Variants in JHY observed in about 807,000 individuals in gnomAD.
JHY encodes the protein jhy protein homolog.
In JHY, 69 loss-of-function variants were observed where a neutral mutation model predicts 78.0. The observed-to-expected ratio is 0.88, with a 90% CI of 0.73 to 1.08. The LOEUF is 1.08. JHY is among the 50% of genes least tolerant of loss of function. The pLI is 0.00. For synonymous variants in JHY, 368 were observed against 342.6 expected (o/e 1.07, Z -0.82); for missense variants, 944 against 927.8 (o/e 1.02, Z -0.23).
chr11:122,955,952 C>T (rs1448545011), intron 6 of JHY, among the ~76,000 whole-genome samples: 1 of 152,092 alleles, frequency 6.6e-6, no homozygotes, highest in African/African-American at 2.4e-5. Context: ...CTGTCTAAGA[C>T]TGGACAAAAT....
intron 3 of JHY, among the ~76,000 whole-genome samples, chr11:122,918,469 T>A (rs563563065): frequency 6.6e-6 from 1 of 151,428 alleles, no homozygotes; most frequent in Admixed American, 6.6e-5. Flanking sequence ...AGAGTCTCCC[T>A]GAGAAGATAT....
Position 122,898,331 on chromosome 11 carries a change from T to C in JHY, c.345-5594T>C, listed in dbSNP as rs899287202. 3.3e-5 allele frequency among the ~76,000 whole-genome samples: 5 copies of C among 152,202 alleles called. No homozygotes were observed. Among genetic ancestry groups the C allele is most frequent in the Admixed American group, 6.5e-5 (1 of 15,272 alleles). On this transcript the variant is annotated intron_variant, in intron 2 of 8. Coordinates refer to ENST00000227349, the MANE Select transcript of JHY (RefSeq NM_024806.4). This position sits in a 1 kb window ranked among gnomAD's most constrained non-coding sequence, Gnocchi z 4.4. ...CTTCACTGTCACCTATGGGAATAGCTGCAGGGTACAATGCAACATGATGTG... is the reference window on the plus strand; with the variant it reads ...CTTCACTGTCACCTATGGGAATAGCCGCAGGGTACAATGCAACATGATGTG...
chr11:122,886,238 A>C, intron 2 of JHY, 45 bp downstream of exon 2: 1 of 1,512,188 alleles, frequency 6.6e-7, no homozygotes, highest in Admixed American at 2.0e-5. Flanking sequence ...TCTAAAATGT[A>C]TCATTAGATA....
chr11:122,959,262 TA>T lies in JHY; in HGVS notation c.2156del (p.Lys719ArgfsTer11), dbSNP rs1442378344. 6.2e-7 allele frequency: 1 copy of T among 1,614,102 alleles called. No homozygotes were observed. The highest frequency in any genetic ancestry group is 8.5e-7 in the Non-Finnish European group (1 of 1,180,004). On this transcript the variant is annotated frameshift_variant, in exon 9 of 9. Coordinates refer to ENST00000227349, the MANE Select transcript of JHY (RefSeq NM_024806.4). LOFTEE classifies it low-confidence loss of function (END_TRUNC). Reference sequence around the variant, plus strand: ...TATGCGTTTAGGCTTTGGAATACGCTAAGACCATCCCCAAACCCAAACCATC... The same window carrying T: ...TATGCGTTTAGGCTTTGGAATACGCTAGACCATCCCCAAACCCAAACCATC... Reference protein sequence around the residue: ...IPRQKALEYAKTIPKPKPSNL... With the variant: ...IPRQKALEYAXTIPKPKPSNL...
intron 2 of JHY, among the ~76,000 whole-genome samples, chr11:122,896,383 A>G (rs1157128931): frequency 6.7e-6 from 1 of 150,136 alleles, no homozygotes; most frequent in Non-Finnish European, 1.5e-5. Flanking sequence ...TGCTGAGGCT[A>G]GAAATTACAG....
Position 122,959,252 on chromosome 11 carries a change from T to C in JHY, c.2144T>C (p.Leu715Ser). 1 of 1,613,456 alleles carries C rather than the reference T, an allele frequency of 6.2e-7. No homozygotes were observed. Among genetic ancestry groups the C allele is most frequent in the East Asian group, 2.2e-5 (1 of 44,870 alleles). Reference protein sequence around the residue: ...KKSAIPRQKALEYAKTIPKPK... With the variant: ...KKSAIPRQKASEYAKTIPKPK... ...ATTTCATCTTTATGCGTTTAGGCTT[T>C]GGAATACGCTAAGACCATCCCCAAA... The change falls in exon 9 of 9, where the codon TTG (leucine) becomes TCG (serine). Residue 715 changes from leucine to serine, a missense_variant. Physicochemically the swap from Leu to Ser is moderately radical, Grantham distance 145. Transcript: ENST00000227349.
intron 4 of JHY, among the ~76,000 whole-genome samples, chr11:122,928,553 G>GAA (rs370330908): frequency 0.24 from 32,391 of 136,132 alleles, 4,008 homozygotes; most frequent in Non-Finnish European, 0.3. Context: ...AAGATACGGG[G>GAA]AAAAAAAAAA....
intron 4 of JHY, 51 bp from the exon 5 acceptor site, chr11:122,934,369 G>A (rs1226988039): frequency 1.1e-6 from 1 of 938,178 alleles, no homozygotes; most frequent in Admixed American, 3.1e-5. Context: ...AATAAAATTT[G>A]TGAAGAGTGC....
intron 2 of JHY, among the ~76,000 whole-genome samples, chr11:122,889,670 A>C (rs1862568830): frequency 6.6e-6 from 1 of 152,202 alleles, no homozygotes; most frequent in African/African-American, 2.4e-5. Flanking sequence ...TTCATAATAC[A>C]TGTGTACATG....
At chr11:122,937,450 T>C (rs905776828) in intron 5 of JHY, among the ~76,000 whole-genome samples, 2 of 152,164 alleles carry the variant, frequency 1.3e-5, no homozygotes, top group African/African-American at 4.8e-5. Flanking sequence ...TCTTTCTCTT[T>C]CGAGACTTGC....
At chr11:122,957,798 G>A (rs1864223932) in intron 8 of JHY, among the ~76,000 whole-genome samples, 1 of 116,428 alleles carries the variant, frequency 8.6e-6, no homozygotes, top group Non-Finnish European at 1.9e-5. Flanking sequence ...ATGCAATAGT[G>A]ACACACACAC....
intron 3 of JHY, among the ~76,000 whole-genome samples, chr11:122,908,937 G>A (rs1863051704): frequency 6.6e-6 from 1 of 152,124 alleles, no homozygotes. Flanking sequence ...TTCCAAGGAA[G>A]AATACACAAA....
chr11:122,912,286 CAAAAA>C (rs374121692), intron 3 of JHY, among the ~76,000 whole-genome samples: 1 of 73,828 alleles, frequency 1.4e-5, no homozygotes, highest in Admixed American at 1.6e-4. Context: ...GACTCCATCT[CAAAAA>C]AAAAAAAAAA....
At chr11:122,950,217 G>A (rs1864059934) in intron 6 of JHY, among the ~76,000 whole-genome samples, 1 of 152,084 alleles carries the variant, frequency 6.6e-6, no homozygotes, top group African/African-American at 2.4e-5. Flanking sequence ...GGTACTATTA[G>A]CACTGTTTTC....
intron 2 of JHY, among the ~76,000 whole-genome samples, chr11:122,896,673 C>T (rs188117248): frequency 2.6e-4 from 39 of 152,256 alleles, no homozygotes; most frequent in African/African-American, 9.1e-4. Context: ...AGAGAAGAAT[C>T]CCTTGAGATC....
At chr11:122,903,762 A>G (rs1862912993) in intron 2 of JHY, among the ~76,000 whole-genome samples, 163 bp from the exon 3 acceptor site, 2 of 152,164 alleles carry the variant, frequency 1.3e-5, no homozygotes, top group South Asian at 4.1e-4. Context: ...GATTACAGGT[A>G]TGAGCCACTG....
At position 122,904,147 on chromosome 11, in the gene JHY, T is replaced by A. The variant is rs749378025; in HGVS notation, c.567T>A (p.Ser189=). 7 of 1,614,178 alleles carry A rather than the reference T, an allele frequency of 4.3e-6. No homozygotes were observed. The highest frequency in any genetic ancestry group is 5.9e-6 in the Non-Finnish European group (7 of 1,180,028). ...EQKESPQSAA[S]LLGSEFLSPN... is the part of the protein sequence containing the mutation. ...AAGAGAGTCCACAGAGTGCAGCTTCTTTACTTGGTAGTGAATTTTTAAGCC... is the reference window on the plus strand; with the variant it reads ...AAGAGAGTCCACAGAGTGCAGCTTCATTACTTGGTAGTGAATTTTTAAGCC... Residue 189 remains serine, a synonymous_variant, in exon 3 of 9, where the codon TCT becomes TCA. Coordinates refer to ENST00000227349, the MANE Select transcript of JHY (RefSeq NM_024806.4).
At position 122,934,453 on chromosome 11, in the gene JHY, A is replaced by G; in HGVS notation, c.1012A>G (p.Thr338Ala). 6.2e-7 allele frequency: 1 copy of G among 1,613,824 alleles called. No homozygotes were observed. ...GGAACACTGGTCTCAATATGAAAGT[A>G]CAAAATCAAGCAATGTACCAAGAGG... ...YQEHWSQYES[T>A]KSSNVPRGQP... The change falls in exon 5 of 9, where the codon ACA becomes GCA. Residue 338 changes from threonine to alanine, a missense_variant. Thr to Ala is a moderately conservative substitution (Grantham distance 58, BLOSUM62 0). Coordinates refer to ENST00000227349, the MANE Select transcript of JHY (RefSeq NM_024806.4).
intron 6 of JHY, among the ~76,000 whole-genome samples, chr11:122,955,620 T>C (rs1443807737): frequency 6.6e-6 from 1 of 152,238 alleles, no homozygotes; most frequent in Non-Finnish European, 1.5e-5. Context: ...CATATTCAAT[T>C]CTATGTGCCC....
Sources: gnomAD v4.1 joint callset for allele counts (sites outside exome capture counted in the v4.1 genomes callset) on GRCh38, gnomAD v4.1.1 for gene constraint, Gnocchi (gnomAD v3.1) non-coding constraint, MANE v1.5 for transcripts, NCBI Gene and HGNC (gene_info 2026-07-23, HGNC 2026-07-21) for gene names.